PSPC1: variants seen among roughly 807,000 people sequenced by gnomAD.
PSPC1 encodes paraspeckle component 1.
In PSPC1, 14 loss-of-function variants were observed where a neutral mutation model predicts 51.6. The observed-to-expected ratio is 0.27, with a 90% CI of 0.18 to 0.42. PSPC1 has a LOEUF of 0.42. Among genes scored for constraint, PSPC1 ranks in the 10% least tolerant of loss-of-function variants. The probability of loss-of-function intolerance (pLI) is 1.00; values close to 1 mark genes in which losing one functional copy is unlikely to be tolerated. For missense variants in PSPC1, 406 were observed against 701.1 expected, an observed-to-expected ratio of 0.58 and a Z score of 4.75; for synonymous variants, 193 against 231.9, an observed-to-expected ratio of 0.83 and a Z score of 1.53.
exon 7 of PSPC1, chr13:19,677,745 G>A: frequency 2.1e-6 from 1 of 472,968 alleles, no homozygotes; most frequent in Non-Finnish European, 4.3e-6. Flanking sequence ...TATGATTCCA[G>A]TACTTCTGGT....
chr13:19,728,439 AACACACACACACAC>A (rs56662113), intron 6 of PSPC1, among the ~76,000 whole-genome samples: 4,435 of 144,410 alleles, frequency 0.031, 91 homozygotes, highest in Middle Eastern at 0.077. Flanking sequence ...TCAAAGCTTA[AACACACACACACAC>A]ACACACACAC....
chr13:19,681,422 G>A (rs956222560), intron 6 of PSPC1, among the ~76,000 whole-genome samples: 1 of 151,956 alleles, frequency 6.6e-6, no homozygotes, highest in South Asian at 2.1e-4. Flanking sequence ...TATAATAGAA[G>A]TAAGTCCTAA....
chr13:19,696,592 C>G (rs1879292105), intron 6 of PSPC1, among the ~76,000 whole-genome samples: 1 of 151,964 alleles, frequency 6.6e-6, no homozygotes, highest in Admixed American at 6.6e-5. Flanking sequence ...GGGAAATACA[C>G]TTATCAAATC....
At chr13:19,673,442 G>T, downstream of PSPC1, 1 of 200,658 alleles carries the variant, frequency 5.0e-6, no homozygotes, top group South Asian at 8.3e-5. Flanking sequence ...CTATGATGTT[G>T]GTCTGTTTCC....
At chr13:19,671,515 G>T (rs539930150), downstream of PSPC1, among the ~76,000 whole-genome samples, 16 of 152,310 alleles carry the variant, frequency 1.1e-4, no homozygotes, top group African/African-American at 3.8e-4. Context: ...TGCCTCTCTA[G>T]AGGATGGAGC....
At chr13:19,694,850 T>C (rs1879014364) in intron 6 of PSPC1, among the ~76,000 whole-genome samples, 1 of 152,234 alleles carries the variant, frequency 6.6e-6, no homozygotes, top group South Asian at 2.1e-4. Flanking sequence ...CCCCTTTGTC[T>C]CCTAAGATAG....
rs550181029 is a variant in PSPC1 at position 19,737,487 on chromosome 13, G to A, written c.1052+4078C>T. On this transcript the variant is annotated intron_variant, in intron 5 of 8. Coordinates refer to ENST00000338910, the MANE Select transcript of PSPC1 (RefSeq NM_001354909.2). ...CTGGTAAGAATATCACAGAAATAAT[G>A]TTATATCCCATTCAGTGAATCATAT... Among the ~76,000 whole-genome samples, 10 of 152,248 alleles carry A rather than the reference G, an allele frequency of 6.6e-5. No homozygotes were observed. The South Asian group carries it at 1.9e-3, about 28-fold the overall frequency.
At chr13:19,750,672 CTA>C (rs1886454551) in intron 4 of PSPC1, among the ~76,000 whole-genome samples, 1 of 152,044 alleles carries the variant, frequency 6.6e-6, no homozygotes, top group Non-Finnish European at 1.5e-5. Context: ...AATTTGCCTG[CTA>C]TGTTTCTGTT....
chr13:19,782,921 G>T lies in PSPC1; in HGVS notation c.-164C>A, dbSNP rs931969482. 4.6e-6 allele frequency: 3 copies of T among 656,644 alleles called. No homozygotes were observed. Among genetic ancestry groups the T allele is most frequent in the Admixed American group, 3.8e-5 (1 of 26,428 alleles). The allele number at this position is 656,644 out of a possible 1,614,324, so 40.7% of individuals were successfully genotyped here. A position where few individuals can be genotyped will look rare whatever the true frequency, so the allele number is the denominator to read the frequency against. On this transcript the variant is annotated 5_prime_UTR_variant, in exon 1 of 9. Coordinates refer to ENST00000338910, the MANE Select transcript of PSPC1 (RefSeq NM_001354909.2). The surrounding 1 kb of genome is among the most constrained non-coding windows in gnomAD (Gnocchi z 4.5). ...ACCCGTCCTCCCCCAACTCACGCCC[G>T]CTGCAGCTGCACATTCAAAATGGCG...
chr13:19,686,224 C>T (rs774877641), intron 6 of PSPC1, among the ~76,000 whole-genome samples: 1 of 152,202 alleles, frequency 6.6e-6, no homozygotes, highest in African/African-American at 2.4e-5. Flanking sequence ...CTACTGACCA[C>T]GGCATTGCTC....
At chr13:19,758,254 A>G (rs1593730570) in intron 3 of PSPC1, among the ~76,000 whole-genome samples, 1 of 152,108 alleles carries the variant, frequency 6.6e-6, no homozygotes, top group East Asian at 1.9e-4. Flanking sequence ...TGGAGCTTGC[A>G]GTGAGCCGAG....
At chr13:19,698,431 G>T (rs1210196726), downstream of PSPC1, among the ~76,000 whole-genome samples, 2 of 151,652 alleles carry the variant, frequency 1.3e-5, no homozygotes, top group African/African-American at 4.8e-5. Context: ...CACAATGTAG[G>T]ACCTCGTATT....
chr13:19,688,830 GATT>G, intron 6 of PSPC1, among the ~76,000 whole-genome samples: 2 of 151,988 alleles, frequency 1.3e-5, no homozygotes, highest in South Asian at 4.2e-4. Context: ...GGACCCTATA[GATT>G]GTTTAGAAAC....
At chr13:19,734,588 G>A (rs1306858862) in intron 5 of PSPC1, among the ~76,000 whole-genome samples, 1 of 152,144 alleles carries the variant, frequency 6.6e-6, no homozygotes, top group East Asian at 1.9e-4. Flanking sequence ...GATCACCTGA[G>A]GTCAGGAGTT....
At chr13:19,706,476 G>A (rs1254702053) in intron 7 of PSPC1, among the ~76,000 whole-genome samples, 4 of 151,362 alleles carry the variant, frequency 2.6e-5, no homozygotes, top group Non-Finnish European at 4.4e-5. Flanking sequence ...AAAAGCAACC[G>A]CAACCAAATA....
chr13:19,744,944 T>C (rs756770547), intron 4 of PSPC1, among the ~76,000 whole-genome samples: 2 of 152,214 alleles, frequency 1.3e-5, no homozygotes, highest in Non-Finnish European at 2.9e-5. Flanking sequence ...TCTACAGTCA[T>C]GAAGGCATCA....
At chr13:19,729,990 TG>T (rs1463738569) in intron 6 of PSPC1, among the ~76,000 whole-genome samples, 9 of 152,268 alleles carry the variant, frequency 5.9e-5, no homozygotes, top group African/African-American at 1.7e-4. Flanking sequence ...TAATAGCATA[TG>T]TTTTTTTAAA....
At chr13:19,671,546 C>T (rs1714496286), downstream of PSPC1, among the ~76,000 whole-genome samples, 2 of 152,144 alleles carry the variant, frequency 1.3e-5, no homozygotes, top group Admixed American at 6.5e-5. Flanking sequence ...ATGATCTAGG[C>T]CTTGGTATGG....
At chr13:19,727,779 T>C (rs998048844) in intron 6 of PSPC1, among the ~76,000 whole-genome samples, 1 of 152,220 alleles carries the variant, frequency 6.6e-6, no homozygotes, top group African/African-American at 2.4e-5. Flanking sequence ...TCCAGAATAA[T>C]AGCTTTTAAT....
Sources: gnomAD v4.1 joint callset for allele counts (sites outside exome capture counted in the v4.1 genomes callset) on GRCh38, gnomAD v4.1.1 for gene constraint, Gnocchi (gnomAD v3.1) non-coding constraint, MANE v1.5 for transcripts, NCBI Gene and HGNC (gene_info 2026-07-23, HGNC 2026-07-21) for gene names.